HEATR5B: variants seen among roughly 807,000 people sequenced by gnomAD.
HEATR5B encodes the protein HEAT repeat-containing protein 5B.
In HEATR5B, 156 loss-of-function variants were observed where a neutral mutation model predicts 224.1. The ratio of observed to expected loss-of-function variants is 0.70; its 90% CI spans 0.61 to 0.80. The LOEUF (loss-of-function observed/expected upper bound fraction) is 0.80. Among genes scored for constraint, HEATR5B ranks in the 30% least tolerant of loss-of-function variants. The probability of loss-of-function intolerance (pLI) is 0.00; values close to 1 mark genes in which losing one functional copy is unlikely to be tolerated. For synonymous variants in HEATR5B, 1,027 were observed against 893.0 expected (o/e 1.15, Z -2.68); for missense variants, 2,323 against 2,535.5 (o/e 0.92, Z 1.80).
chr2:37,040,661 T>G, intron 19 of HEATR5B, 143 bp from the exon 20 acceptor site: 1 of 595,010 alleles, frequency 1.7e-6, no homozygotes, highest in Non-Finnish European at 2.9e-6. Flanking sequence ...GTAGGATGTT[T>G]TCATACACAT....
At chr2:37,001,656 A>T (rs1156495788) in intron 32 of HEATR5B, among the ~76,000 whole-genome samples, 2 of 150,344 alleles carry the variant, frequency 1.3e-5, no homozygotes, top group African/African-American at 2.4e-5. Context: ...CATTCTTCAG[A>T]GTTTTTCTTT....
At chr2:37,034,806 C>T (rs1003181704) in intron 21 of HEATR5B, among the ~76,000 whole-genome samples, 2 of 151,938 alleles carry the variant, frequency 1.3e-5, no homozygotes, top group African/African-American at 4.8e-5. Context: ...GATCTGCCTG[C>T]CTTGGGCTCC....
At chr2:37,012,894 G>T (rs1416788050) in intron 27 of HEATR5B, among the ~76,000 whole-genome samples, 1 of 152,182 alleles carries the variant, frequency 6.6e-6, no homozygotes, top group African/African-American at 2.4e-5. Context: ...CCTCTGCTAT[G>T]TGTTCCAAAA....
In HEATR5B at chr2:37,064,974, C is replaced by G. The variant is rs1671503374; in HGVS notation, c.1350G>C (p.Val450=). ...QEASIGLLEI[V]TSVLLHPSMA... Reference sequence around the variant, plus strand: ...TGCTTGGATGAAGCAGCACTGAAGTCACAATCTCCAAAAGCCCTAAACAAG... The same window carrying G: ...TGCTTGGATGAAGCAGCACTGAAGTGACAATCTCCAAAAGCCCTAAACAAG... Residue 450 remains valine, a synonymous_variant, in exon 10 of 36, where the codon GTG becomes GTC. Coordinates refer to ENST00000233099, the MANE Select transcript of HEATR5B (RefSeq NM_019024.3). 2 of 1,613,760 alleles carry G rather than the reference C, an allele frequency of 1.2e-6. No homozygotes were observed. The highest frequency in any genetic ancestry group is 2.7e-5 in the African/African-American group (2 of 74,876).
At position 37,014,161 on chromosome 2, in the gene HEATR5B, A is replaced by ATAT. The variant is rs747709322; in HGVS notation, c.4105-144_4105-142dup. On this transcript the variant is annotated intron_variant, in intron 26 of 35. Coordinates refer to ENST00000233099, the MANE Select transcript of HEATR5B (RefSeq NM_019024.3). ...ATAAACTACCCAATGCTATGCTTTG[A>ATAT]TATTATTATTATTATTTTGAGACAG... 101 of 432,080 alleles carry ATAT rather than the reference A, an allele frequency of 2.3e-4. 1 individual carries two copies. In the East Asian group the frequency reaches 3.6e-3, roughly 15 times the overall value. 26.8% of individuals were successfully genotyped at this position (432,080 alleles called of 1,614,324 possible).
intron 26 of HEATR5B, among the ~76,000 whole-genome samples, chr2:37,018,598 C>G (rs760365542): frequency 6.6e-6 from 1 of 152,146 alleles, no homozygotes; most frequent in Non-Finnish European, 1.5e-5. Context: ...CATTCAGCTA[C>G]AGAGAGGATA....
At position 37,049,521 on chromosome 2, in the gene HEATR5B, G is replaced by C. The variant is rs910566803; in HGVS notation, c.2696+132C>G. ...AATCAACTGCTAAATTAAAAATTGA[G>C]ATCATTACAAAAAACCCACAAAATA... On this transcript the variant is annotated intron_variant, in intron 18 of 35. Transcript: ENST00000233099. The C allele has an allele frequency of 4.0e-6, 3 of 747,200 alleles. No homozygotes were observed. In the South Asian group the frequency reaches 5.7e-5, roughly 14 times the overall value. The allele number at this position is 747,200 out of a possible 1,614,324, so 46.3% of individuals were successfully genotyped here. A position where few individuals can be genotyped will look rare whatever the true frequency, so the allele number is the denominator to read the frequency against.
At chr2:37,046,639 C>CAAAAAAA (rs531117028) in intron 18 of HEATR5B, among the ~76,000 whole-genome samples, 54 of 90,324 alleles carry the variant, frequency 6.0e-4, no homozygotes, top group African/African-American at 2.1e-3. Flanking sequence ...AACTCTGTCT[C>CAAAAAAA]AAAAAAAAAA....
chr2:37,003,788 G>T, intron 30 of HEATR5B, 102 bp from the exon 31 acceptor site: 1 of 759,990 alleles, frequency 1.3e-6, no homozygotes. Flanking sequence ...AAAGAAATCA[G>T]GTAGCTAAAA....
chr2:37,065,159 T>C (rs1481688283), intron 9 of HEATR5B, among the ~76,000 whole-genome samples, 169 bp from the exon 10 acceptor site: 2 of 152,172 alleles, frequency 1.3e-5, no homozygotes, highest in Admixed American at 6.5e-5. Context: ...AAAGGAACAT[T>C]TTCTATGAAG....
chr2:37,040,654 G>C (rs1157067887), intron 19 of HEATR5B, 136 bp from the exon 20 acceptor site: 4 of 603,894 alleles, frequency 6.6e-6, no homozygotes, highest in African/African-American at 3.9e-5. Context: ...CCAGATTGTA[G>C]GATGTTTTCA....
At chr2:37,043,636 C>T (rs777903522) in intron 18 of HEATR5B, among the ~76,000 whole-genome samples, 1 of 152,068 alleles carries the variant, frequency 6.6e-6, no homozygotes, top group Non-Finnish European at 1.5e-5. Flanking sequence ...TTAAAGGGTG[C>T]TCATTTTTCT....
chr2:37,062,693 T>A (rs1671358622), intron 10 of HEATR5B, among the ~76,000 whole-genome samples: 1 of 152,252 alleles, frequency 6.6e-6, no homozygotes, highest in African/African-American at 2.4e-5. Context: ...TAATACAGCA[T>A]CTATGCTACT....
At position 37,068,821 on chromosome 2, in the gene HEATR5B, G is replaced by T; in HGVS notation, c.1037C>A (p.Thr346Lys). ...TCTGGAGTACACAGCCTCCACATGT[G>T]TTTGTGTTGCCCGAGGATGGGAAAC... ...DLVSHPRATQ[T>K]HVEAVYSRRC... The change falls in exon 8 of 36, where the codon ACA (threonine) becomes AAA (lysine). Residue 346 changes from threonine (T) to lysine (K), a missense_variant. This residue lies in a region of HEATR5B where 502 missense variants were observed against 517.8 expected (regional missense o/e 0.97). Transcript: ENST00000233099. 6.2e-7 allele frequency: 1 copy of T among 1,614,126 alleles called. No homozygotes were observed. The highest frequency in any genetic ancestry group is 1.1e-5 in the South Asian group (1 of 91,088).
At chr2:36,987,904 T>C (rs1341597369) in intron 35 of HEATR5B, among the ~76,000 whole-genome samples, 1 of 151,822 alleles carries the variant, frequency 6.6e-6, no homozygotes, top group African/African-American at 2.4e-5. Context: ...AAAACCTGTC[T>C]CTACAAAAAA....
At chr2:36,998,160 A>G (rs1276971572) in intron 33 of HEATR5B, among the ~76,000 whole-genome samples, 2 of 152,214 alleles carry the variant, frequency 1.3e-5, no homozygotes, top group Non-Finnish European at 2.9e-5. Context: ...AGGTGAGATG[A>G]CAAATCCTTC....
chr2:37,017,003 G>A (rs1053102850), intron 26 of HEATR5B, among the ~76,000 whole-genome samples: 1 of 152,040 alleles, frequency 6.6e-6, no homozygotes, highest in African/African-American at 2.4e-5. Flanking sequence ...AAGAACATAT[G>A]GGAAAGATTT....
At chr2:37,080,289 G>T (rs955631379) in intron 2 of HEATR5B, among the ~76,000 whole-genome samples, 8 of 152,182 alleles carry the variant, frequency 5.3e-5, no homozygotes, top group Non-Finnish European at 1.0e-4. Flanking sequence ...GTAAGAGTTT[G>T]AAGCAGAGGA....
chr2:36,998,133 C>T (rs559152429), intron 33 of HEATR5B, among the ~76,000 whole-genome samples: 5 of 152,232 alleles, frequency 3.3e-5, no homozygotes, highest in South Asian at 2.1e-4. Flanking sequence ...TTTTAGATAA[C>T]GTGGAAATGT....
Sources: allele counts gnomAD v4.1 joint callset (sites outside exome capture counted in the v4.1 genomes callset), GRCh38; gene constraint gnomAD v4.1.1; regional missense constraint gnomAD v4.1.1; transcripts MANE v1.5; gene names NCBI Gene and HGNC (gene_info 2026-07-23, HGNC 2026-07-21).